Variants in NAALADL2 observed in about 807,000 individuals in gnomAD.
NAALADL2 encodes N-acetylated alpha-linked acidic dipeptidase like 2, also known as inactive N-acetylated-alpha-linked acidic dipeptidase-like protein 2.
A neutral mutation model predicts 87.2 loss-of-function variants in NAALADL2; 76 were observed. The ratio of observed to expected loss-of-function variants is 0.87; its 90% CI spans 0.72 to 1.05. NAALADL2 has a LOEUF of 1.05. NAALADL2 is among the 50% of genes least tolerant of loss of function. The pLI is 0.00. For missense variants in NAALADL2, 1,089 were observed against 945.8 expected (o/e 1.15, Z -1.99); for synonymous variants, 354 against 331.0 (o/e 1.07, Z -0.75).
intron 2 of NAALADL2, among the ~76,000 whole-genome samples, chr3:175,166,567 A>C (rs1580763440): frequency 6.7e-6 from 1 of 149,308 alleles, no homozygotes; most frequent in Non-Finnish European, 1.5e-5. Context: ...AACACCACAC[A>C]TTTTTTTTTT....
chr3:174,535,582 A>G (rs181467810), intron 1 of NAALADL2, among the ~76,000 whole-genome samples: 2 of 152,200 alleles, frequency 1.3e-5, no homozygotes, highest in Admixed American at 6.5e-5. Flanking sequence ...TTCCTGCCCC[A>G]ACTTTTATTT....
intron 1 of NAALADL2, among the ~76,000 whole-genome samples, chr3:174,891,834 G>T (rs891060093): frequency 3.3e-5 from 5 of 152,072 alleles, no homozygotes; most frequent in African/African-American, 7.2e-5. Flanking sequence ...AGCCAAGAGA[G>T]TGCTGGCATT....
intron 4 of NAALADL2, among the ~76,000 whole-genome samples, chr3:175,282,284 A>G (rs1221754691): frequency 6.6e-6 from 1 of 152,042 alleles, no homozygotes; most frequent in Non-Finnish European, 1.5e-5. Flanking sequence ...TTACTAGACA[A>G]TTATCCTTTA....
rs907922210 is a variant in NAALADL2 at position 174,781,015 on chromosome 3, T to A, written c.-9+43269T>A. ...TCAGCATTTGCTTGTCTGTAAAGGA[T>A]TTTATTTCTCCTTCCCTTATGAAGC... On this transcript the variant is annotated intron_variant, in intron 3 of 3. Transcript: ENST00000434257. 2.0e-5 allele frequency among the ~76,000 whole-genome samples: 3 copies of A among 152,070 alleles called. No homozygotes were observed. The East Asian group carries it at 5.8e-4, about 29-fold the overall frequency.
chr3:175,783,541 T>A (rs1751457951), intron 13 of NAALADL2, among the ~76,000 whole-genome samples: 1 of 151,146 alleles, frequency 6.6e-6, no homozygotes, highest in African/African-American at 2.5e-5. Flanking sequence ...GTGATTTTTG[T>A]ACATTGATTT....
chr3:175,191,809 A>T (rs1228127733), intron 2 of NAALADL2, among the ~76,000 whole-genome samples: 1 of 152,216 alleles, frequency 6.6e-6, no homozygotes, highest in Non-Finnish European at 1.5e-5. Context: ...AAAACACAAA[A>T]CTAATTAGAT....
rs150080308 is a variant in NAALADL2, at chr3:175,379,483, G to A, written c.1090+55158G>A. On this transcript the variant is annotated intron_variant, in intron 5 of 13. Coordinates refer to ENST00000454872, the MANE Select transcript of NAALADL2 (RefSeq NM_207015.3). ...ACATTTTGACTTAGTCTGTTTTTAC[G>A]TCTCGTATGGTTTCTGGTAACAGTT... Among the ~76,000 whole-genome samples, 1,080 of 150,600 alleles carry A rather than the reference G, an allele frequency of 7.2e-3. 12 individuals are homozygous for A. The highest frequency in any genetic ancestry group is 0.024 in the African/African-American group (982 of 41,008).
intron 4 of NAALADL2, among the ~76,000 whole-genome samples, chr3:175,305,949 A>C (rs1335437374): frequency 6.6e-6 from 1 of 152,014 alleles, no homozygotes. Flanking sequence ...GCTTATTTTC[A>C]CAAATCCTTA....
chr3:175,735,778 G>A (rs1017044904), intron 11 of NAALADL2, among the ~76,000 whole-genome samples: 1 of 152,028 alleles, frequency 6.6e-6, no homozygotes, highest in Admixed American at 6.6e-5. Flanking sequence ...ATGAAATTTG[G>A]GTGGGGACAC....
chr3:174,537,777 TATAATC>T (rs1185338126), intron 1 of NAALADL2, among the ~76,000 whole-genome samples: 1 of 152,198 alleles, frequency 6.6e-6, no homozygotes, highest in African/African-American at 2.4e-5. Flanking sequence ...AGAATTCAGA[TATAATC>T]ATGTACAGTG....
At chr3:175,154,379 GT>G (rs1374043734) in intron 2 of NAALADL2, among the ~76,000 whole-genome samples, 1 of 152,118 alleles carries the variant, frequency 6.6e-6, no homozygotes, top group African/African-American at 2.4e-5. Flanking sequence ...ACAACACACT[GT>G]TTAAGTTAAG....
At chr3:175,245,336 A>T (rs531807470) in intron 3 of NAALADL2, among the ~76,000 whole-genome samples, 4 of 152,292 alleles carry the variant, frequency 2.6e-5, no homozygotes, top group Admixed American at 2.6e-4. Context: ...CTCTAGCCTG[A>T]AATATTAGAT....
chr3:174,917,441 T>C (rs888201966), intron 1 of NAALADL2, among the ~76,000 whole-genome samples: 11 of 152,160 alleles, frequency 7.2e-5, no homozygotes, highest in African/African-American at 2.7e-4. Flanking sequence ...AAATGTAGTG[T>C]AACTTTAGCT....
At chr3:175,213,960 A>C (rs1261521391) in intron 2 of NAALADL2, among the ~76,000 whole-genome samples, 1 of 152,162 alleles carries the variant, frequency 6.6e-6, no homozygotes, top group East Asian at 1.9e-4. Context: ...TGATTAAACC[A>C]AAATGCAGTA....
chr3:174,958,804 G>A (rs1579726385), intron 1 of NAALADL2, among the ~76,000 whole-genome samples: 1 of 151,960 alleles, frequency 6.6e-6, no homozygotes. Context: ...TGCGAAGTTG[G>A]AAAAGACTGT....
intron 1 of NAALADL2, among the ~76,000 whole-genome samples, chr3:174,496,875 T>C (rs1280105373): frequency 1.3e-5 from 2 of 148,282 alleles, no homozygotes; most frequent in African/African-American, 4.9e-5. Context: ...CAATAAGATC[T>C]AGACTGAATG....
At chr3:174,527,926 AG>A (rs1312503999) in intron 1 of NAALADL2, among the ~76,000 whole-genome samples, 1 of 152,180 alleles carries the variant, frequency 6.6e-6, no homozygotes, top group African/African-American at 2.4e-5. Flanking sequence ...TATGGTCCCC[AG>A]GCCGAATCTG....
chr3:174,729,173 A>G (rs559162417), intron 2 of NAALADL2, among the ~76,000 whole-genome samples: 1 of 152,170 alleles, frequency 6.6e-6, no homozygotes, highest in Admixed American at 6.6e-5. Flanking sequence ...TTTCTAGACT[A>G]ACATCCTGAT....
chr3:175,319,088 T>C (rs1378233111), intron 4 of NAALADL2, among the ~76,000 whole-genome samples: 1 of 152,242 alleles, frequency 6.6e-6, no homozygotes, highest in East Asian at 1.9e-4. Flanking sequence ...CTCCCCCACA[T>C]GGGTGGGGGT....
Sources: allele counts gnomAD v4.1 joint callset (sites outside exome capture counted in the v4.1 genomes callset), GRCh38; gene constraint gnomAD v4.1.1; transcripts MANE v1.5; gene names NCBI Gene and HGNC (gene_info 2026-07-23, HGNC 2026-07-21).